BAZ2B: variants seen among roughly 807,000 people sequenced by gnomAD.
The protein encoded by BAZ2B is bromodomain adjacent to zinc finger domain 2B.
BAZ2B carries 91 observed loss-of-function variants against 246.0 expected under a neutral mutation model. The ratio of observed to expected loss-of-function variants is 0.37; its 90% CI spans 0.31 to 0.44. The LOEUF (loss-of-function observed/expected upper bound fraction) is 0.44. Among genes scored for constraint, BAZ2B ranks in the 20% least tolerant of loss-of-function variants. The probability of loss-of-function intolerance (pLI) is 1.00; values close to 1 mark genes in which losing one functional copy is unlikely to be tolerated. For missense variants in BAZ2B, 2,332 were observed against 2,533.7 expected (o/e 0.92, Z 1.71); for synonymous variants, 855 against 860.0 (o/e 0.99, Z 0.10).
At chr2:159,412,142 T>C (rs1268649302) in intron 14 of BAZ2B, among the ~76,000 whole-genome samples, 193 bp downstream of exon 14, 1 of 152,242 alleles carries the variant, frequency 6.6e-6, no homozygotes, top group Non-Finnish European at 1.5e-5. Flanking sequence ...TTATGAGTAA[T>C]GGTTCTTGAA....
At chr2:159,360,144 T>C (rs889988618) in intron 27 of BAZ2B, among the ~76,000 whole-genome samples, 5 of 152,188 alleles carry the variant, frequency 3.3e-5, no homozygotes, top group Admixed American at 1.3e-4. Flanking sequence ...GTCATTCAAA[T>C]AGGAAGAGAG....
intron 28 of BAZ2B, 50 bp from the exon 29 acceptor site, chr2:159,349,330 T>C (rs748725188): frequency 2.0e-6 from 3 of 1,467,272 alleles, no homozygotes; most frequent in Non-Finnish European, 2.7e-6. Context: ...TCTAAGAAGT[T>C]AGGAAAAATG....
chr2:159,448,794 T>C (rs1050809988), intron 4 of BAZ2B, among the ~76,000 whole-genome samples: 5 of 152,192 alleles, frequency 3.3e-5, no homozygotes, highest in Non-Finnish European at 7.4e-5. Flanking sequence ...CTACAACCTA[T>C]GTTAAGACTT....
chr2:159,447,781 A>C (rs2074459053), intron 5 of BAZ2B, among the ~76,000 whole-genome samples: 1 of 152,200 alleles, frequency 6.6e-6, no homozygotes, highest in Non-Finnish European at 1.5e-5. Context: ...TTAAGAATTA[A>C]GCAAGAAAAT....
intron 2 of BAZ2B, among the ~76,000 whole-genome samples, chr2:159,550,182 T>C (rs1337356709): frequency 6.6e-6 from 1 of 152,152 alleles, no homozygotes; most frequent in Non-Finnish European, 1.5e-5. Flanking sequence ...TAGCTTGGTG[T>C]ATCAGGATTA....
intron 1 of BAZ2B, among the ~76,000 whole-genome samples, chr2:159,559,402 A>T (rs1056859696): frequency 6.6e-6 from 1 of 152,224 alleles, no homozygotes; most frequent in Non-Finnish European, 1.5e-5. Context: ...AAGTCTTGTG[A>T]AGGAAAAAAC....
chr2:159,562,612 A>G (rs1181091573), intron 1 of BAZ2B, among the ~76,000 whole-genome samples: 2 of 152,214 alleles, frequency 1.3e-5, no homozygotes, highest in Non-Finnish European at 2.9e-5. Context: ...ACTTGGGTGA[A>G]GTAATACAAT....
intron 27 of BAZ2B, among the ~76,000 whole-genome samples, chr2:159,361,958 G>T (rs1035343578): frequency 1.2e-4 from 18 of 151,706 alleles, no homozygotes; most frequent in Admixed American, 7.9e-4. Context: ...CCTGTCGGGG[G>T]GGTGAGGGTC....
At chr2:159,543,927 A>G (rs1243921199) in intron 2 of BAZ2B, among the ~76,000 whole-genome samples, 3 of 152,268 alleles carry the variant, frequency 2.0e-5, no homozygotes, top group Admixed American at 6.5e-5. Flanking sequence ...GACTCAAATA[A>G]AATCCATATA....
chr2:159,335,150 A>T (rs2065409854), intron 33 of BAZ2B, among the ~76,000 whole-genome samples: 1 of 152,172 alleles, frequency 6.6e-6, no homozygotes, highest in Non-Finnish European at 1.5e-5. Flanking sequence ...ATATTTGTCT[A>T]AGGTGACATT....
At chr2:159,652,417 C>T in the BAZ2B span, among the ~76,000 whole-genome samples, 1 of 152,010 alleles carries the variant, frequency 6.6e-6, no homozygotes, top group African/African-American at 2.4e-5. Context: ...ATCATGTTGG[C>T]CAGGCTAGTC....
intron 2 of BAZ2B, among the ~76,000 whole-genome samples, chr2:159,479,319 A>T (rs2078991104): frequency 6.6e-6 from 1 of 152,144 alleles, no homozygotes; most frequent in Non-Finnish European, 1.5e-5. Context: ...AGCACTTCTA[A>T]TCATCTTTAT....
intron 27 of BAZ2B, among the ~76,000 whole-genome samples, chr2:159,352,291 T>C (rs1364512524): frequency 6.6e-6 from 1 of 152,174 alleles, no homozygotes; most frequent in African/African-American, 2.4e-5. Context: ...ATAAACGTTA[T>C]TTCCTTACGG....
chr2:159,677,937 T>A, the BAZ2B span, among the ~76,000 whole-genome samples: 2 of 152,132 alleles, frequency 1.3e-5, no homozygotes, highest in African/African-American at 4.8e-5. Context: ...TGCATAGTAT[T>A]CAAAAAATAA....
rs540920643 is a variant in BAZ2B at position 159,343,753 on chromosome 2, G to A, written c.5454+3733C>T. 7.2e-5 allele frequency among the ~76,000 whole-genome samples: 11 copies of A among 152,152 alleles called. No homozygotes were observed. In the East Asian group the frequency reaches 9.7e-4, roughly 13 times the overall value. ...TCAAAAAGAAAAAAAACGGCCGGGC[G>A]CCGTGGCTCACATCTGTAATCCCAG... On this transcript the variant is annotated intron_variant, in intron 31 of 36. Coordinates refer to ENST00000392783, the MANE Select transcript of BAZ2B (RefSeq NM_013450.4).
the BAZ2B span, among the ~76,000 whole-genome samples, chr2:159,627,682 G>C: frequency 2.6e-5 from 4 of 152,034 alleles, no homozygotes; most frequent in African/African-American, 9.7e-5. Context: ...AATAATAAGA[G>C]CTATTTAAGA....
intron 1 of BAZ2B, among the ~76,000 whole-genome samples, chr2:159,610,906 A>C (rs1485723624): frequency 6.6e-6 from 1 of 152,066 alleles, no homozygotes; most frequent in Non-Finnish European, 1.5e-5. Context: ...ATACTTTTAA[A>C]TATTTTATAT....
intron 1 of BAZ2B, among the ~76,000 whole-genome samples, chr2:159,595,104 T>C (rs1278524736): frequency 1.5e-5 from 2 of 134,110 alleles, no homozygotes; most frequent in African/African-American, 5.5e-5. Flanking sequence ...CTTTTAAACA[T>C]ATACTTTTTT....
At position 159,521,076 on chromosome 2, in the gene BAZ2B, T is replaced by A. The variant is rs565880385; in HGVS notation, c.-3+34747A>T. ...TTTAGATTTGGCATAATATATACAC[T>A]CCCTTACCATAATTTCCTGCAATAA... is the stretch of plus-strand genomic sequence containing the variant. On this transcript the variant is annotated intron_variant, in intron 2 of 36. Coordinates refer to ENST00000392783, the MANE Select transcript of BAZ2B (RefSeq NM_013450.4). Among the ~76,000 whole-genome samples, 19 of 152,194 alleles carry A rather than the reference T, an allele frequency of 1.2e-4. 1 individual carries two copies. The highest frequency in any genetic ancestry group is 4.3e-4 in the African/African-American group (18 of 41,556).
Sources: allele counts gnomAD v4.1 joint callset (sites outside exome capture counted in the v4.1 genomes callset), GRCh38; gene constraint gnomAD v4.1.1; transcripts MANE v1.5; gene names NCBI Gene and HGNC (gene_info 2026-07-23, HGNC 2026-07-21).